RBPJ: variants seen among roughly 807,000 people sequenced by gnomAD.
The protein encoded by RBPJ is recombining binding protein suppressor of hairless.
RBPJ carries 9 observed loss-of-function variants against 67.8 expected under a neutral mutation model. The observed-to-expected ratio is 0.13, with a 90% CI of 0.08 to 0.23. The LOEUF (loss-of-function observed/expected upper bound fraction) is 0.23, where lower values mean the gene tolerates loss of function less well. Among genes scored for constraint, RBPJ ranks in the 10% least tolerant of loss-of-function variants. The probability of loss-of-function intolerance (pLI) is 1.00; values close to 1 mark genes in which losing one functional copy is unlikely to be tolerated. For missense variants in RBPJ, 305 were observed against 595.6 expected (o/e 0.51, Z 5.08); for synonymous variants, 198 against 203.3 (o/e 0.97, Z 0.22).
chr4:26,186,098 C>T (rs1717244114), intron 1 of RBPJ, among the ~76,000 whole-genome samples: 1 of 150,366 alleles, frequency 6.7e-6, no homozygotes, highest in African/African-American at 2.4e-5. Flanking sequence ...GGAACTACTA[C>T]TGCATGTTGA....
intron 4 of RBPJ, among the ~76,000 whole-genome samples, chr4:26,419,573 G>A (rs1221681891): frequency 6.6e-6 from 1 of 152,180 alleles, no homozygotes; most frequent in Non-Finnish European, 1.5e-5. Context: ...AGATACAGGA[G>A]AGGCAGTTGA....
chr4:26,243,207 A>C (rs1049482805), intron 1 of RBPJ, among the ~76,000 whole-genome samples: 2 of 152,190 alleles, frequency 1.3e-5, no homozygotes, highest in African/African-American at 4.8e-5. Flanking sequence ...AGCCTGGGCA[A>C]CAAGAGCAAA....
At chr4:26,416,743 A>G (rs1734631042) in intron 4 of RBPJ, among the ~76,000 whole-genome samples, 1 of 152,168 alleles carries the variant, frequency 6.6e-6, no homozygotes, top group African/African-American at 2.4e-5. Flanking sequence ...CACTAGGTAT[A>G]TGGGTTGGGA....
chr4:26,256,837 G>A (rs531789141), intron 1 of RBPJ, among the ~76,000 whole-genome samples: 9 of 152,302 alleles, frequency 5.9e-5, no homozygotes, highest in South Asian at 2.1e-4. Flanking sequence ...ACAATGAAGC[G>A]AAACTCAGAA....
chr4:26,329,372 A>G (rs182132794), intron 1 of RBPJ, among the ~76,000 whole-genome samples: 29 of 152,288 alleles, frequency 1.9e-4, no homozygotes, highest in African/African-American at 6.7e-4. Context: ...CCATAAGAGA[A>G]ATATAATCAA....
rs1449267039 is a variant in RBPJ, at chr4:26,283,271, G to A, written c.-166-79175G>A. Among the ~76,000 whole-genome samples the A allele has an allele frequency of 8.0e-5, 12 of 150,776 alleles. No homozygotes were observed. The East Asian group carries it at 1.2e-3, about 15-fold the overall frequency. On this transcript the variant is annotated intron_variant, in intron 1 of 4. Coordinates refer to the RBPJ transcript ENST00000512351. ...AGATATAGGATTTTCTGGGCCAGGC[G>A]CAGTGGCTCACGCCTGTAATCCCAG...
chr4:26,321,460 G>C (rs28558703), intron 1 of RBPJ: 100,104 of 151,034 alleles, frequency 0.66, 33,406 homozygotes, highest in African/African-American at 0.73. Context: ...ACCGCTACCC[G>C]CTGCGACTCT....
At chr4:26,226,592 T>C (rs1719084081) in intron 1 of RBPJ, among the ~76,000 whole-genome samples, 1 of 152,224 alleles carries the variant, frequency 6.6e-6, no homozygotes, top group Non-Finnish European at 1.5e-5. Flanking sequence ...CATCTGGCTT[T>C]GTGATGATCA....
At chr4:26,303,376 G>C (rs1722140689) in intron 1 of RBPJ, among the ~76,000 whole-genome samples, 1 of 142,940 alleles carries the variant, frequency 7.0e-6, no homozygotes, top group Admixed American at 7.1e-5. Flanking sequence ...GAGGCCAGAG[G>C]ATTTCTTGAG....
At chr4:26,387,619 C>T (rs1731051832) in intron 2 of RBPJ, among the ~76,000 whole-genome samples, 1 of 152,084 alleles carries the variant, frequency 6.6e-6, no homozygotes, top group Non-Finnish European at 1.5e-5. Context: ...AGCAGGGCTG[C>T]AAAGTGGAGA....
chr4:26,295,886 G>A (rs1052736228), intron 1 of RBPJ, among the ~76,000 whole-genome samples: 1 of 152,196 alleles, frequency 6.6e-6, no homozygotes, highest in African/African-American at 2.4e-5. Context: ...CCCCTGGGGT[G>A]AAATTAGAGG....
At chr4:26,395,545 A>G (rs749600206) in intron 2 of RBPJ, among the ~76,000 whole-genome samples, 1 of 152,168 alleles carries the variant, frequency 6.6e-6, no homozygotes, top group Non-Finnish European at 1.5e-5. Context: ...GCATGTTGAA[A>G]TTTGATCCTG....
At chr4:26,105,463 A>G in the RBPJ span, among the ~76,000 whole-genome samples, 3 of 152,082 alleles carry the variant, frequency 2.0e-5, no homozygotes, top group African/African-American at 7.2e-5. Flanking sequence ...TTGGCTTACC[A>G]GTTGCAAGGG....
chr4:26,379,881 A>G (rs1348359027), intron 1 of RBPJ, among the ~76,000 whole-genome samples: 1 of 152,108 alleles, frequency 6.6e-6, no homozygotes, highest in African/African-American at 2.4e-5. Context: ...TAAGAAAGAA[A>G]CATCTTATAG....
chr4:26,363,710 A>T (rs1728317568), intron 1 of RBPJ, among the ~76,000 whole-genome samples: 6 of 152,240 alleles, frequency 3.9e-5, no homozygotes, highest in Admixed American at 3.3e-4. Flanking sequence ...AAGTGCTGGG[A>T]TTACAGGCAT....
chr4:26,185,037 G>C (rs983195828), intron 1 of RBPJ, among the ~76,000 whole-genome samples: 5 of 151,974 alleles, frequency 3.3e-5, no homozygotes, highest in Non-Finnish European at 7.4e-5. Context: ...AGCTACTCGG[G>C]AGGCTGAGGC....
chr4:26,359,693 G>A (rs1376789043), intron 1 of RBPJ: 2 of 152,104 alleles, frequency 1.3e-5, no homozygotes, highest in African/African-American at 4.8e-5. Context: ...TGGTGGCCGA[G>A]CGGGCCGGGG....
chr4:26,242,734 GTTTAT>G lies in RBPJ; in HGVS notation c.-167+79128_-167+79132del, dbSNP rs1237034029. The stretch of plus-strand genomic sequence containing the variant: ...AAAAAAAAAAAAAAAAAAAGTCCAA[GTTTAT>G]TTTATTTAAGAGTCTCCTTGATTGA... On this transcript the variant is annotated intron_variant, in intron 1 of 4. Transcript: ENST00000512351. Among the ~76,000 whole-genome samples the G allele has an allele frequency of 4.9e-3, 680 of 139,626 alleles. 2 individuals are homozygous for G. The highest frequency in any genetic ancestry group is 0.017 in the African/African-American group (642 of 38,504). 91.6% of individuals were successfully genotyped at this position (139,626 alleles called of 152,430 possible). A position where few individuals can be genotyped will look rare whatever the true frequency, so the allele number is the denominator to read the frequency against.
intron 1 of RBPJ, among the ~76,000 whole-genome samples, chr4:26,273,377 T>G (rs933678903): frequency 2.6e-5 from 4 of 152,214 alleles, no homozygotes; most frequent in African/African-American, 4.8e-5. Context: ...TTCAAATGAC[T>G]TTTTTCCAAG....
Sources: gnomAD v4.1 joint callset for allele counts (sites outside exome capture counted in the v4.1 genomes callset) on GRCh38, gnomAD v4.1.1 for gene constraint, MANE v1.5 for transcripts, NCBI Gene and HGNC (gene_info 2026-07-23, HGNC 2026-07-21) for gene names.